Variants in PTPRD observed in about 807,000 individuals in gnomAD.
PTPRD encodes the protein protein tyrosine phosphatase receptor type D.
Under a neutral mutation model 214.5 loss-of-function variants are expected in PTPRD, and 34 were observed. The ratio of observed to expected loss-of-function variants is 0.16; its 90% confidence interval spans 0.12 to 0.21. The LOEUF is 0.21. Among genes scored for constraint, PTPRD ranks in the 10% least tolerant of loss-of-function variants. PTPRD has a pLI of 1.00. For missense variants in PTPRD, 2,545 were observed against 2,398.7 expected, an observed-to-expected ratio of 1.06 and a Z score of -1.27; for synonymous variants, 1,128 against 845.7, an observed-to-expected ratio of 1.33 and a Z score of -5.79.
intron 7 of PTPRD, among the ~76,000 whole-genome samples, chr9:9,670,510 G>C (rs2096807127): frequency 6.6e-6 from 1 of 152,176 alleles, no homozygotes; most frequent in Non-Finnish European, 1.5e-5. Flanking sequence ...GACAATAAGG[G>C]AAAACGGAAA....
At chr9:8,421,841 CT>C (rs532420315) in intron 35 of PTPRD, among the ~76,000 whole-genome samples, 158 of 148,642 alleles carry the variant, frequency 1.1e-3, no homozygotes, top group Middle Eastern at 3.5e-3. Context: ...ATTCACTGAA[CT>C]TTTTTTTTTT....
At chr9:8,499,884 C>T (rs1592108009) in intron 24 of PTPRD, 44 bp from the exon 25 acceptor site, 2 of 1,512,618 alleles carry the variant, frequency 1.3e-6, no homozygotes, top group Non-Finnish European at 1.8e-6. Context: ...GGCACTTGTC[C>T]CACCCTATCA....
intron 11 of PTPRD, among the ~76,000 whole-genome samples, chr9:8,834,033 T>A (rs1601355472): frequency 2.0e-5 from 3 of 150,556 alleles, no homozygotes; most frequent in African/African-American, 7.2e-5. Context: ...CACAAACCGT[T>A]CAGAAAGCAC....
chr9:10,027,973 A>G (rs1241904340), intron 4 of PTPRD, among the ~76,000 whole-genome samples: 2 of 152,104 alleles, frequency 1.3e-5, no homozygotes, highest in East Asian at 3.9e-4. Context: ...TTCCTGTAAT[A>G]TCTCCCACCT....
chr9:8,430,768 G>C (rs2094993100), intron 35 of PTPRD, among the ~76,000 whole-genome samples: 2 of 152,078 alleles, frequency 1.3e-5, no homozygotes, highest in Admixed American at 1.3e-4. Flanking sequence ...CCTTTCCCTT[G>C]ATAAAATGCA....
Position 8,486,350 on chromosome 9 carries a change from C to CTGGA in PTPRD, c.2468-5_2468-2dup. 1 of 1,613,742 alleles carries CTGGA rather than the reference C, an allele frequency of 6.2e-7. No homozygotes were observed. The highest frequency in any genetic ancestry group is 8.5e-7 in the Non-Finnish European group (1 of 1,179,668). ...ATCACAAGCCGAGGTTTCCCTGGAA[C>CTGGA]TGGAGCACATGGGATGGAGTGGTAA... On this transcript the variant is annotated splice_acceptor_variant, in intron 27 of 45. Coordinates refer to ENST00000381196, the MANE Select transcript of PTPRD (RefSeq NM_002839.4). LOFTEE classifies it high-confidence loss of function.
chr9:10,129,861 C>T lies in PTPRD; in HGVS notation c.-544-96071G>A, dbSNP rs149261629. On this transcript the variant is annotated intron_variant, in intron 3 of 45. Coordinates refer to ENST00000381196, the MANE Select transcript of PTPRD (RefSeq NM_002839.4). ...TATCTCTAGCTTAAAACACCATCAT[C>T]AGAGAAAACATCTAAACAAAAGCTT... is the stretch of plus-strand genomic sequence containing the variant. Among the ~76,000 whole-genome samples the T allele has an allele frequency of 8.1e-3, 1,235 of 152,116 alleles. 27 individuals are homozygous for T. Among genetic ancestry groups the T allele is most frequent in the African/African-American group, 0.028 (1,173 of 41,520 alleles).
intron 8 of PTPRD, among the ~76,000 whole-genome samples, chr9:9,517,400 T>C (rs1031468380): frequency 6.6e-6 from 1 of 152,112 alleles, no homozygotes; most frequent in Non-Finnish European, 1.5e-5. Flanking sequence ...ATAGATATAC[T>C]AAGCAGAACA....
chr9:9,961,320 C>A (rs934269226), intron 4 of PTPRD, among the ~76,000 whole-genome samples: 4 of 152,122 alleles, frequency 2.6e-5, no homozygotes, highest in Admixed American at 2.6e-4. Context: ...CCTTTGTCAT[C>A]TGTTCCTTGT....
At chr9:8,792,723 G>A (rs927145181) in intron 11 of PTPRD, among the ~76,000 whole-genome samples, 1 of 152,064 alleles carries the variant, frequency 6.6e-6, no homozygotes, top group African/African-American at 2.4e-5. Context: ...ATTGATAGAA[G>A]AAGACGCAAA....
At chr9:9,038,338 G>A (rs554521422) in intron 10 of PTPRD, among the ~76,000 whole-genome samples, 6 of 152,076 alleles carry the variant, frequency 3.9e-5, no homozygotes, top group African/African-American at 4.8e-5. Flanking sequence ...CCTTTCCTTC[G>A]TCTCAGATGT....
chr9:10,129,705 G>T (rs1371713974), intron 3 of PTPRD, among the ~76,000 whole-genome samples: 1 of 151,644 alleles, frequency 6.6e-6, no homozygotes, highest in East Asian at 1.9e-4. Context: ...TATAATTACC[G>T]TTCTGTCAGT....
At chr9:8,975,394 G>T (rs988220375) in intron 11 of PTPRD, among the ~76,000 whole-genome samples, 1 of 151,916 alleles carries the variant, frequency 6.6e-6, no homozygotes, top group African/African-American at 2.4e-5. Context: ...TGTGAAGCTG[G>T]TAATATATTA....
At chr9:9,412,130 A>T (rs1208746604) in intron 8 of PTPRD, among the ~76,000 whole-genome samples, 1 of 152,216 alleles carries the variant, frequency 6.6e-6, no homozygotes, top group Admixed American at 6.5e-5. Context: ...AATCATATAT[A>T]GCACTTTTTT....
chr9:9,479,222 C>CGCA lies in PTPRD; in HGVS notation c.-236-81741_-236-81740insTGC, dbSNP rs2095280475. 2.1e-5 allele frequency among the ~76,000 whole-genome samples: 2 copies of CGCA among 93,484 alleles called. 1 individual carries two copies. The highest frequency in any genetic ancestry group is 2.6e-4 in the Admixed American group (2 of 7,784). The allele number at this position is 93,484 out of a possible 152,430, so 61.3% of individuals were successfully genotyped here. A position where few individuals can be genotyped will look rare whatever the true frequency, so the allele number is the denominator to read the frequency against. On this transcript the variant is annotated intron_variant, in intron 8 of 45. Transcript: ENST00000381196. ...ACATACATACACACACACGCCCCCC[C>CGCA]CCCCCCCACACACACACCCACCTCT... is the stretch of plus-strand genomic sequence containing the variant.
chr9:9,783,564 C>A (rs1414551055), intron 5 of PTPRD, among the ~76,000 whole-genome samples: 2 of 152,184 alleles, frequency 1.3e-5, no homozygotes, highest in East Asian at 1.9e-4. Context: ...CCAAGATGTA[C>A]ATTTTAATTA....
intron 4 of PTPRD, among the ~76,000 whole-genome samples, chr9:9,977,748 G>C (rs920329275): frequency 6.6e-6 from 1 of 152,006 alleles, no homozygotes; most frequent in Non-Finnish European, 1.5e-5. Context: ...GTTATTTAAA[G>C]AGAAAAGTAA....
chr9:9,399,518 G>T (rs746005002), intron 8 of PTPRD, among the ~76,000 whole-genome samples: 35 of 152,018 alleles, frequency 2.3e-4, no homozygotes, highest in Non-Finnish European at 4.0e-4. Context: ...CCCCTCCAAA[G>T]GTCAAAGTTT....
At chr9:10,071,448 C>T (rs1158220224) in intron 3 of PTPRD, among the ~76,000 whole-genome samples, 1 of 151,782 alleles carries the variant, frequency 6.6e-6, no homozygotes, top group East Asian at 1.9e-4. Context: ...AAACAGAATA[C>T]AGAGTTCAGA....
Sources: gnomAD v4.1 joint callset for allele counts (sites outside exome capture counted in the v4.1 genomes callset) on GRCh38, gnomAD v4.1.1 for gene constraint, MANE v1.5 for transcripts, NCBI Gene and HGNC (gene_info 2026-07-23, HGNC 2026-07-21) for gene names.